The following FCGRT variants were observed in gnomAD, a reference collection of about 807,000 sequenced individuals.
FCGRT encodes Fc gamma receptor and transporter, also known as IgG receptor FcRn large subunit p51.
FCGRT carries 13 observed loss-of-function variants against 35.7 expected under a neutral mutation model. The observed-to-expected ratio is 0.36, with a 90% CI of 0.24 to 0.58. The LOEUF (loss-of-function observed/expected upper bound fraction) is 0.58, where lower values mean the gene tolerates loss of function less well. Among genes scored for constraint, FCGRT ranks in the 20% least tolerant of loss-of-function variants. FCGRT has a pLI of 0.77. For missense variants in FCGRT, 455 were observed against 474.9 expected (o/e 0.96, Z 0.39); for synonymous variants, 233 against 216.5 (o/e 1.08, Z -0.67).
At chr19:49,525,053 CTGCTG>C in intron 5 of FCGRT, 2 of 282,948 alleles carry the variant, frequency 7.1e-6, no homozygotes, top group Middle Eastern at 1.0e-3. Context: ...TTCCATCCTG[CTGCTG>C]CTGCTGCTGC....
In FCGRT at chr19:49,513,398, A is replaced by G. The variant is rs768835880; in HGVS notation, c.-3A>G. 3 of 1,185,366 alleles carry G rather than the reference A, an allele frequency of 2.5e-6. No individual in the cohort carries two copies. In the East Asian group the frequency reaches 1.1e-4, roughly 43 times the overall value. 73.4% of individuals were successfully genotyped at this position (1,185,366 alleles called of 1,614,324 possible). ...CCCTCCCGCCCCAGGTCGTCCTCTC[A>G]GCATGGGGGTCCCGCGGCCTCAGCC... On this transcript the variant is annotated 5_prime_UTR_variant, in exon 2 of 7. Transcript: ENST00000221466.
In FCGRT at chr19:49,513,714, G is replaced by GTCTCTCTCTCTCTCTCTCTCTCTC. The variant is rs139316391; in HGVS notation, c.74-155_74-154insCTCTCTCTCTCTCTCTCTCTCTCT. ...GTCCCCCTCTCTTTCTGGGTCTCTT[G>GTCTCTCTCTCTCTCTCTCTCTCTC]TCTCTCTCTCTCTGGGTCTCTGTCC... On this transcript the variant is annotated intron_variant, in intron 2 of 6. Transcript: ENST00000221466. The GTCTCTCTCTCTCTCTCTCTCTCTC allele has an allele frequency of 7.0e-5, 37 of 532,246 alleles. 2 individuals carry two copies. In the African/African-American group the frequency reaches 8.3e-4, roughly 12 times the overall value. The allele number at this position is 532,246 out of a possible 1,614,324, so 33.0% of individuals were successfully genotyped here. A position where few individuals can be genotyped will look rare whatever the true frequency, so the allele number is the denominator to read the frequency against.
chr19:49,516,209 C>G (rs2080006471), intron 4 of FCGRT: 1 of 436,866 alleles, frequency 2.3e-6, no homozygotes, highest in Non-Finnish European at 4.5e-6. Flanking sequence ...GGTAGTTTTT[C>G]TTTAATTGTC....
chr19:49,518,360 C>CTTTTTTTTTT (rs56352202), intron 4 of FCGRT, among the ~76,000 whole-genome samples: 1 of 133,014 alleles, frequency 7.5e-6, no homozygotes, highest in Admixed American at 7.6e-5. Flanking sequence ...TTCTTTCTTT[C>CTTTTTTTTTT]TTTTTTTTTT....
intron 1 of FCGRT, 157 bp from the exon 2 acceptor site, chr19:49,513,230 T>C: frequency 2.5e-6 from 1 of 394,904 alleles, no homozygotes; most frequent in Non-Finnish European, 4.5e-6. Flanking sequence ...AGTTCAGGGG[T>C]GAAAGTTCTT....
chr19:49,525,240 T>G, intron 5 of FCGRT: 1 of 550,196 alleles, frequency 1.8e-6, no homozygotes. Context: ...TGCTGATCCA[T>G]TGCCGGTGTG....
At chr19:49,515,932 A>G (rs1007852355) in intron 4 of FCGRT, among the ~76,000 whole-genome samples, 1 of 152,090 alleles carries the variant, frequency 6.6e-6, no homozygotes, top group Non-Finnish European at 1.5e-5. Flanking sequence ...TCAGGGCTGG[A>G]TATCACTTCC....
rs567515295 is a variant in FCGRT, at chr19:49,523,911, T to G, written c.602-596T>G. ...TATAGGACTACAGACGTTTTAAATT[T>G]CCTCTTGTGTCAGTTTAGAAGGTTG... is the stretch of plus-strand genomic sequence containing the variant. On this transcript the variant is annotated intron_variant, in intron 4 of 6. Transcript: ENST00000221466. Among the ~76,000 whole-genome samples, 4 of 152,212 alleles carry G rather than the reference T, an allele frequency of 2.6e-5. No individual in the cohort carries two copies. In the South Asian group the frequency reaches 8.3e-4, roughly 32 times the overall value.
intron 1 of FCGRT, 194 bp from the exon 2 acceptor site, chr19:49,513,193 C>G (rs1282911011): frequency 1.6e-5 from 6 of 379,454 alleles, no homozygotes; most frequent in African/African-American, 4.2e-5. Context: ...TATCAAGTGT[C>G]TGTAATTAAT....
chr19:49,522,940 G>T (rs1445777276), intron 4 of FCGRT, among the ~76,000 whole-genome samples: 7 of 151,566 alleles, frequency 4.6e-5, no homozygotes, highest in Non-Finnish European at 1.0e-4. Flanking sequence ...ACCACGCCCG[G>T]CTAATTTTTT....
chr19:49,518,717 T>C (rs2080023077), intron 4 of FCGRT, among the ~76,000 whole-genome samples: 1 of 151,968 alleles, frequency 6.6e-6, no homozygotes, highest in African/African-American at 2.4e-5. Context: ...GTATCTTTAG[T>C]AGAGACAGAG....
intron 4 of FCGRT, chr19:49,516,083 G>A (rs761233388): frequency 2.5e-4 from 105 of 421,424 alleles, no homozygotes; most frequent in Middle Eastern, 3.4e-4. Flanking sequence ...AAAGAGGGAA[G>A]TGACACACAT....
intron 3 of FCGRT, 29 bp downstream of exon 3, chr19:49,514,162 G>A: frequency 6.2e-7 from 1 of 1,611,692 alleles, no homozygotes; most frequent in Non-Finnish European, 8.5e-7. Flanking sequence ...GGGGCAAGGG[G>A]CCGGGTCCAT....
rs141954839 is a variant in FCGRT, at chr19:49,524,814, G to A, written c.871+38G>A. ...CAGGTGGTGATGCTCCTGGTTTCCC[G>A]TTGCCTTGTCTCACTGCTGCGCCGG... On this transcript the variant is annotated intron_variant, in intron 5 of 6. Transcript: ENST00000221466. 1.4e-3 allele frequency: 2,231 copies of A among 1,582,208 alleles called. 20 individuals carry two copies. Among genetic ancestry groups the A allele is most frequent in the Middle Eastern group, 3.0e-3 (18 of 6,044 alleles).
intron 2 of FCGRT, 163 bp downstream of exon 2, chr19:49,513,636 G>A: frequency 2.2e-6 from 1 of 459,528 alleles, no homozygotes; most frequent in East Asian, 3.5e-5. Flanking sequence ...GCCTGAGGCT[G>A]GGAACCACCT....
At chr19:49,520,165 C>T (rs1446255295) in intron 4 of FCGRT, among the ~76,000 whole-genome samples, 1 of 126,972 alleles carries the variant, frequency 7.9e-6, no homozygotes, top group South Asian at 2.6e-4. Flanking sequence ...GCGTCTCCCT[C>T]TGTCACCAGG....
chr19:49,514,277 C>T lies in FCGRT; in HGVS notation c.392C>T (p.Ala131Val), dbSNP rs1270924261. The T allele has an allele frequency of 1.2e-6, 2 of 1,611,470 alleles. No individual in the cohort carries two copies. Among genetic ancestry groups the T allele is most frequent in the Non-Finnish European group, 1.7e-6 (2 of 1,179,024 alleles). Residue 131 changes from alanine (A) to valine (V), a missense_variant, in exon 4 of 7, where the codon GCC (alanine) becomes GTC (valine). Physicochemically the swap from Ala to Val is moderately conservative, Grantham distance 64. Coordinates refer to ENST00000221466, the MANE Select transcript of FCGRT (RefSeq NM_001136019.3). ...CCTGACAACACCTCGGTGCCCACCG[C>T]CAAGTTCGCCCTGAACGGCGAGGAG... ...LGPDNTSVPT[A>V]KFALNGEEFM...
intron 6 of FCGRT, among the ~76,000 whole-genome samples, chr19:49,525,789 G>A (rs1219126553): frequency 6.6e-6 from 1 of 151,486 alleles, no homozygotes; most frequent in African/African-American, 2.4e-5. Context: ...GGGACAGAGA[G>A]AGGTGCGGAC....
chr19:49,515,981 A>G (rs1311105834), intron 4 of FCGRT: 2 of 331,956 alleles, frequency 6.0e-6, no homozygotes, highest in Admixed American at 4.5e-5. Flanking sequence ...GGCAGAGTTC[A>G]CTGTTTCCTC....
Sources: allele counts gnomAD v4.1 joint callset (sites outside exome capture counted in the v4.1 genomes callset), GRCh38; gene constraint gnomAD v4.1.1; transcripts MANE v1.5; gene names NCBI Gene and HGNC (gene_info 2026-07-23, HGNC 2026-07-21).